Variants in APBB1 observed in about 807,000 individuals in gnomAD.
The protein encoded by APBB1 is adaptor protein FE65a2.
APBB1 carries 22 observed loss-of-function variants against 78.4 expected under a neutral mutation model. That is an observed-to-expected ratio of 0.28 (90% CI 0.20 to 0.40). The LOEUF (loss-of-function observed/expected upper bound fraction) is 0.40, where lower values mean the gene tolerates loss of function less well. Ranked by LOEUF, APBB1 falls within the 10% of genes least tolerant of loss-of-function variation. The pLI, the probability that APBB1 is intolerant of heterozygous loss-of-function variation, is 1.00. For synonymous variants in APBB1, 369 were observed against 372.7 expected (o/e 0.99, Z 0.12); for missense variants, 749 against 932.4 (o/e 0.80, Z 2.56).
At chr11:6,400,950 T>A (rs774129962) in intron 12 of APBB1, 39 bp downstream of exon 12, 36 of 1,585,148 alleles carry the variant, frequency 2.3e-5, no homozygotes, top group Non-Finnish European at 2.6e-5. Context: ...AGTTTTAGGA[T>A]CAAGGTAGCA....
chr11:6,413,372 T>A lies in APBB1; in HGVS notation c.-14-2011A>T, dbSNP rs189889618. On this transcript the variant is annotated intron_variant, in intron 1 of 14. Coordinates refer to ENST00000609360, the MANE Select transcript of APBB1 (RefSeq NM_001164.5). ...AGACCTTTCTCCTTGATGTCTTATC[T>A]GAGAGTTCCCTATCTCCCTGTTCCT... Among the ~76,000 whole-genome samples the A allele has an allele frequency of 9.6e-4, 146 of 152,236 alleles. 3 individuals are homozygous for A. Among genetic ancestry groups the A allele is most frequent in the Non-Finnish European group, 7.3e-4 (50 of 68,042 alleles).
intron 12 of APBB1, among the ~76,000 whole-genome samples, chr11:6,397,564 T>C (rs1002955449): frequency 1.3e-5 from 2 of 152,258 alleles, no homozygotes; most frequent in Non-Finnish European, 2.9e-5. Flanking sequence ...AGCCTCTGTC[T>C]TGAGTGCCCT....
At chr11:6,405,624 A>G (rs939308600) in intron 2 of APBB1, 10 of 985,950 alleles carry the variant, frequency 1.0e-5, no homozygotes, top group South Asian at 4.7e-5. Flanking sequence ...GACGAGAGTT[A>G]TTCAGGCAGG....
upstream of APBB1, chr11:6,419,323 C>G (rs1849203927): frequency 1.2e-5 from 3 of 251,282 alleles, no homozygotes; most frequent in African/African-American, 2.3e-5. Flanking sequence ...GCGCCGTCCT[C>G]CACTACTATT....
At chr11:6,396,407 A>G in intron 12 of APBB1, 192 bp from the exon 13 acceptor site, 1 of 556,554 alleles carries the variant, frequency 1.8e-6, no homozygotes, top group Non-Finnish European at 3.1e-6. Context: ...GTAACTGGAC[A>G]TTTTCCTACT....
intron 2 of APBB1, among the ~76,000 whole-genome samples, chr11:6,407,226 T>C (rs1013794545): frequency 6.6e-6 from 1 of 152,122 alleles, no homozygotes; most frequent in Admixed American, 6.5e-5. Context: ...CCCACCTCTA[T>C]CCTCAATTCA....
At chr11:6,406,701 C>A (rs1848813614) in intron 2 of APBB1, among the ~76,000 whole-genome samples, 1 of 152,142 alleles carries the variant, frequency 6.6e-6, no homozygotes, top group Non-Finnish European at 1.5e-5. Flanking sequence ...CAGCCCACCT[C>A]CCTTACTCTC....
Position 6,402,492 on chromosome 11 carries a change from T to G in APBB1, c.1254+84A>C. 3 of 1,433,876 alleles carry G rather than the reference T, an allele frequency of 2.1e-6. No individual in the cohort carries two copies. The South Asian group carries it at 3.7e-5, about 18-fold the overall frequency. 88.8% of individuals were successfully genotyped at this position (1,433,876 alleles called of 1,614,324 possible). A position where few individuals can be genotyped will look rare whatever the true frequency, so the allele number is the denominator to read the frequency against. ...CAATATCCCCCTTCCCCAGCCTGCT[T>G]GTGGGCAGGTCAGACCTCCCATCTC... On this transcript the variant is annotated intron_variant, in intron 7 of 14. Transcript: ENST00000609360.
At position 6,395,716 on chromosome 11, in the gene APBB1, A is replaced by G. The variant is rs748982524; in HGVS notation, c.1966-15T>C. The G allele has an allele frequency of 1.3e-6, 2 of 1,591,204 alleles. No individual in the cohort carries two copies. Among genetic ancestry groups the G allele is most frequent in the Non-Finnish European group, 1.7e-6 (2 of 1,166,554 alleles). ...TGGTAGCGAAGCTGCGGAGGCAAGC[A>G]GGGCAGTCACTCCCCAGCCTACCTC... On this transcript the variant is annotated splice_polypyrimidine_tract_variant and intron_variant, in intron 14 of 14. Coordinates refer to ENST00000609360, the MANE Select transcript of APBB1 (RefSeq NM_001164.5). This position sits in a 1 kb window ranked among gnomAD's most constrained non-coding sequence, Gnocchi z 5.2.
At chr11:6,405,031 G>A in intron 2 of APBB1, 4 of 1,419,614 alleles carry the variant, frequency 2.8e-6, no homozygotes, top group Middle Eastern at 2.6e-4. Context: ...GAGGAGAAAG[G>A]GAGGTTCATG....
In APBB1 at chr11:6,403,478, C is replaced by A; in HGVS notation, c.954+10G>T. Reference sequence around the variant, plus strand: ...AGCTATCCCGTGGTAAAGCAGGTCCCCTTACCCACCTTCCAAAATTCTCCA... The same window carrying A: ...AGCTATCCCGTGGTAAAGCAGGTCCACTTACCCACCTTCCAAAATTCTCCA... On this transcript the variant is annotated intron_variant, in intron 4 of 14. Coordinates refer to ENST00000609360, the MANE Select transcript of APBB1 (RefSeq NM_001164.5). This position sits in a 1 kb window ranked among gnomAD's most constrained non-coding sequence, Gnocchi z 5.3. The A allele has an allele frequency of 6.2e-7, 1 of 1,614,198 alleles. No homozygotes were observed. The highest frequency in any genetic ancestry group is 8.5e-7 in the Non-Finnish European group (1 of 1,180,024).
intron 2 of APBB1, 35 bp downstream of exon 2, chr11:6,410,592 C>T: frequency 6.7e-7 from 1 of 1,502,744 alleles, no homozygotes; most frequent in Non-Finnish European, 8.9e-7. Flanking sequence ...GCCCTCACAC[C>T]CTCCCACATG....
In APBB1 at chr11:6,402,565, C is replaced by G. The variant is rs1848579577; in HGVS notation, c.1254+11G>C. 1.9e-6 allele frequency: 3 copies of G among 1,613,484 alleles called. No homozygotes were observed. Among genetic ancestry groups the G allele is most frequent in the African/African-American group, 2.7e-5 (2 of 74,878 alleles). ...ACAGTACCACCCCCTACCCCCGGCT[C>G]AGGTCCTTACTTCCCCCCAGCCCCC... On this transcript the variant is annotated intron_variant, in intron 7 of 14. Transcript: ENST00000609360.
At position 6,401,449 on chromosome 11, in the gene APBB1, G is replaced by C. The variant is rs759786573; in HGVS notation, c.1504-20C>G. 29 of 1,612,950 alleles carry C rather than the reference G, an allele frequency of 1.8e-5. No individual in the cohort carries two copies. Among genetic ancestry groups the C allele is most frequent in the African/African-American group, 2.7e-5 (2 of 74,882 alleles). ...CATGATCTGAGGAAGGAAGGGAGGC[G>C]AGGAGCCAGGGAGAATCTATTAGAG... On this transcript the variant is annotated intron_variant, in intron 10 of 14. Transcript: ENST00000609360. The surrounding 1 kb of genome is among the most constrained non-coding windows in gnomAD (Gnocchi z 4.5).
chr11:6,410,913 C>G lies in APBB1; in HGVS notation c.435G>C (p.Gly145=). The change falls in exon 2 of 15, where the codon GGG becomes GGC. Residue 145 remains glycine, a synonymous_variant. Coordinates refer to ENST00000609360, the MANE Select transcript of APBB1 (RefSeq NM_001164.5). ...PGLIISTQEQ[G]PDEGEEKAAG... is the part of the protein sequence containing the mutation. The stretch of plus-strand genomic sequence containing the variant: ...CCGCCTTCTCCTCTCCCTCATCTGG[C>G]CCCTGCTCTTGAGTGCTGATGATCA... The G allele has an allele frequency of 6.2e-7, 1 of 1,614,200 alleles. No individual in the cohort carries two copies. The highest frequency in any genetic ancestry group is 8.5e-7 in the Non-Finnish European group (1 of 1,180,042).
chr11:6,407,977 C>G (rs1442148806), intron 2 of APBB1, among the ~76,000 whole-genome samples: 12 of 151,794 alleles, frequency 7.9e-5, no homozygotes, highest in African/African-American at 2.7e-4. Context: ...GACGGGGTTT[C>G]ACCTTGTTAG....
intron 2 of APBB1, chr11:6,405,058 T>A (rs2134085815): frequency 7.1e-7 from 1 of 1,403,390 alleles, no homozygotes. Flanking sequence ...CAGCCCCTTC[T>A]GCTCACACCT....
In APBB1 at chr11:6,395,387, G is replaced by T; in HGVS notation, c.*147C>A. 1 of 845,558 alleles carries T rather than the reference G, an allele frequency of 1.2e-6. No individual in the cohort carries two copies. The highest frequency in any genetic ancestry group is 1.7e-6 in the Non-Finnish European group (1 of 576,948). 52.4% of individuals were successfully genotyped at this position (845,558 alleles called of 1,614,324 possible). A position where few individuals can be genotyped will look rare whatever the true frequency, so the allele number is the denominator to read the frequency against. On this transcript the variant is annotated 3_prime_UTR_variant, in exon 15 of 15. Transcript: ENST00000609360. This position sits in a 1 kb window ranked among gnomAD's most constrained non-coding sequence, Gnocchi z 5.2. ...AAGGGATTAGATCTCTCCCTCCCCA[G>T]CTCCTAGGCAGGGAACCGTAGCTAC... is the stretch of plus-strand genomic sequence containing the variant.
Position 6,401,969 on chromosome 11 carries a change from C to T in APBB1, c.1388+8G>A, listed in dbSNP as rs922317370. On this transcript the variant is annotated splice_region_variant and intron_variant, in intron 9 of 14. Transcript: ENST00000609360. The surrounding 1 kb of genome is among the most constrained non-coding windows in gnomAD (Gnocchi z 4.5). The stretch of plus-strand genomic sequence containing the variant: ...CCAGGTGTAGGAGGGGGAAAATAGG[C>T]ATAGTACCTCTCTCTGGGTCCAGCA... 1 of 1,561,854 alleles carries T rather than the reference C, an allele frequency of 6.4e-7. No homozygotes were observed. Among genetic ancestry groups the T allele is most frequent in the African/African-American group, 1.3e-5 (1 of 74,186 alleles).
Sources: allele counts gnomAD v4.1 joint callset (sites outside exome capture counted in the v4.1 genomes callset), GRCh38; gene constraint gnomAD v4.1.1; non-coding constraint Gnocchi (gnomAD v3.1); transcripts MANE v1.5; gene names NCBI Gene and HGNC (gene_info 2026-07-23, HGNC 2026-07-21).